MRPL40: variants seen among roughly 807,000 people sequenced by gnomAD.
MRPL40 encodes mitochondrial ribosomal protein L40.
Under a neutral mutation model 24.5 loss-of-function variants are expected in MRPL40, and 18 were observed. That is an observed-to-expected ratio of 0.73 (90% CI 0.51 to 1.09). The LOEUF (loss-of-function observed/expected upper bound fraction) is 1.09, where lower values mean the gene tolerates loss of function less well. Among genes scored for constraint, MRPL40 ranks in the 50% least tolerant of loss-of-function variants. The pLI, the probability that MRPL40 is intolerant of heterozygous loss-of-function variation, is 0.00. For synonymous variants in MRPL40, 108 were observed against 94.6 expected (o/e 1.14, Z -0.82); for missense variants, 256 against 243.8 (o/e 1.05, Z -0.33).
chr22:19,435,974 G>A lies in MRPL40; in HGVS notation c.*12G>A. The A allele has an allele frequency of 6.2e-7, 1 of 1,602,148 alleles. No individual in the cohort carries two copies. Among genetic ancestry groups the A allele is most frequent in the South Asian group, 1.1e-5 (1 of 89,728 alleles). On this transcript the variant is annotated 3_prime_UTR_variant, in exon 4 of 4. Transcript: ENST00000333130. ...AGTTTAAGAGATAGACTTGCAGGCT[G>A]CTATCCTTAACATGCTGCCCCTGAG...
intron 1 of MRPL40, chr22:19,432,993 G>T (rs1423794586): frequency 1.3e-6 from 1 of 752,660 alleles, no homozygotes; most frequent in African/African-American, 1.8e-5. Context: ...GCAGTGGCGC[G>T]ATTTCGGCTC....
intron 2 of MRPL40, 91 bp from the exon 3 acceptor site, chr22:19,434,645 G>A (rs1330802594): frequency 9.6e-7 from 1 of 1,040,034 alleles, no homozygotes; most frequent in Non-Finnish European, 1.4e-6. Context: ...TCCCCCAGTG[G>A]AGAGGTCAGT....
At position 19,434,797 on chromosome 22, in the gene MRPL40, C is replaced by A; in HGVS notation, c.199C>A (p.Arg67Ser). ...TAAAAAAGACCAAGAAGCAAAGGAG[C>A]GCTTGAAAAGGAAGATCCGAAAACT... is the stretch of plus-strand genomic sequence containing the variant. ...DPKKDQEAKE[R>S]LKRKIRKLEK... The change falls in exon 3 of 4, where the codon CGC (arginine) becomes AGC (serine). Residue 67 changes from arginine (R) to serine (S), a missense_variant. By Grantham distance (110) the Arg-to-Ser change is moderately radical (BLOSUM62 -1). Transcript: ENST00000333130. 6.2e-7 allele frequency: 1 copy of A among 1,612,092 alleles called. No homozygotes were observed. Among genetic ancestry groups the A allele is most frequent in the African/African-American group, 1.3e-5 (1 of 74,742 alleles).
rs11557716 is a variant in MRPL40, at chr22:19,435,737, G to A, written c.396G>A (p.Glu132=). 6.2e-7 allele frequency: 1 copy of A among 1,614,176 alleles called. No individual in the cohort carries two copies. The highest frequency in any genetic ancestry group is 8.5e-7 in the Non-Finnish European group (1 of 1,180,020). ...ACAAGCAGCAAGAGCGTAAGATGGA[G>A]AGGGACACCATCAGGGCTATGCTAG... The part of the protein sequence containing the change: ...SLYKQQERKM[E]RDTIRAMLEA... Residue 132 remains glutamate (E), a synonymous_variant, in exon 4 of 4, where the codon GAG becomes GAA. Transcript: ENST00000333130.
chr22:19,432,747 T>G, intron 1 of MRPL40, 140 bp downstream of exon 1: 1 of 1,401,542 alleles, frequency 7.1e-7, no homozygotes, highest in Non-Finnish European at 9.3e-7. Flanking sequence ...TGGTCGTGAC[T>G]CTTATGCATG....
At position 19,435,588 on chromosome 22, in the gene MRPL40, G is replaced by A; in HGVS notation, c.297-50G>A. 2 of 1,515,770 alleles carry A rather than the reference G, an allele frequency of 1.3e-6. 1 individual carries two copies. The highest frequency in any genetic ancestry group is 2.5e-5 in the South Asian group (2 of 81,248). The allele number at this position is 1,515,770 out of a possible 1,614,324, so 93.9% of individuals were successfully genotyped here. On this transcript the variant is annotated intron_variant, in intron 3 of 3. Coordinates refer to ENST00000333130, the MANE Select transcript of MRPL40 (RefSeq NM_003776.4). ...AATGGGAATACTTGTGTCAGTTGCA[G>A]TCACAGACTTACATGCCAGTGAGAT... is the stretch of plus-strand genomic sequence containing the variant.
chr22:19,433,349 G>GT lies in MRPL40; in HGVS notation c.137+2dup. ...CTTTCTGGGAACTCATTCCCATGAG[G>GT]TAAAACTCAATCGAGGGCCTGACCT... On this transcript the variant is annotated splice_donor_variant, in intron 2 of 3. Coordinates refer to ENST00000333130, the MANE Select transcript of MRPL40 (RefSeq NM_003776.4). LOFTEE classifies it high-confidence loss of function. 1 of 1,596,586 alleles carries GT rather than the reference G, an allele frequency of 6.3e-7. No individual in the cohort carries two copies. Among genetic ancestry groups the GT allele is most frequent in the Non-Finnish European group, 8.6e-7 (1 of 1,164,332 alleles).
chr22:19,435,626 G>C lies in MRPL40; in HGVS notation c.297-12G>C, dbSNP rs2089582073. The C allele has an allele frequency of 6.2e-7, 1 of 1,603,484 alleles. No individual in the cohort carries two copies. Among genetic ancestry groups the C allele is most frequent in the African/African-American group, 1.3e-5 (1 of 74,628 alleles). On this transcript the variant is annotated splice_polypyrimidine_tract_variant and intron_variant, in intron 3 of 3. Transcript: ENST00000333130. ...ATGCCAGTGAGATTGGTAACCCTTA[G>C]CTTCTTTGCAGAGAGCGGCCTCAGG... is the stretch of plus-strand genomic sequence containing the variant.
intron 3 of MRPL40, 36 bp downstream of exon 3, chr22:19,434,930 C>G (rs1389587708): frequency 2.0e-6 from 3 of 1,525,694 alleles, no homozygotes; most frequent in Non-Finnish European, 2.7e-6. Flanking sequence ...GTCCTCAGGA[C>G]AAAGGAGTAA....
In MRPL40 at chr22:19,434,808, G is replaced by A. The variant is rs113496065; in HGVS notation, c.210G>A (p.Arg70=). 1.2e-6 allele frequency: 2 copies of A among 1,612,584 alleles called. No homozygotes were observed. The highest frequency in any genetic ancestry group is 1.7e-4 in the Middle Eastern group (1 of 6,044). ...AAGAAGCAAAGGAGCGCTTGAAAAGGAAGATCCGAAAACTGGAAAAGGCTA... is the reference window on the plus strand; with the variant it reads ...AAGAAGCAAAGGAGCGCTTGAAAAGAAAGATCCGAAAACTGGAAAAGGCTA... The part of the protein sequence containing the change: ...KDQEAKERLK[R]KIRKLEKATQ... The change falls in exon 3 of 4, where the codon AGG becomes AGA. Residue 70 remains arginine, a synonymous_variant. Transcript: ENST00000333130.
chr22:19,434,384 A>G (rs896318834), intron 2 of MRPL40, among the ~76,000 whole-genome samples: 2 of 151,126 alleles, frequency 1.3e-5, no homozygotes, highest in Admixed American at 1.3e-4. Flanking sequence ...CACCACACCC[A>G]GCTAATTTTT....
Position 19,434,587 on chromosome 22 carries a change from G to C in MRPL40, c.138-149G>C. 3 of 611,100 alleles carry C rather than the reference G, an allele frequency of 4.9e-6. No individual in the cohort carries two copies. In the South Asian group the frequency reaches 6.7e-5, roughly 14 times the overall value. 37.9% of individuals were successfully genotyped at this position (611,100 alleles called of 1,614,324 possible). ...GTTCTCACAAGTACTGTGGGGTGGAGTACCTCCTCACCACGCTGAGCTCAT... is the reference window on the plus strand; with the variant it reads ...GTTCTCACAAGTACTGTGGGGTGGACTACCTCCTCACCACGCTGAGCTCAT... On this transcript the variant is annotated intron_variant, in intron 2 of 3. Coordinates refer to ENST00000333130, the MANE Select transcript of MRPL40 (RefSeq NM_003776.4).
chr22:19,433,398 T>C (rs2089563703), intron 2 of MRPL40, 50 bp downstream of exon 2: 1 of 1,140,292 alleles, frequency 8.8e-7, no homozygotes, highest in Non-Finnish European at 1.3e-6. Flanking sequence ...TGTCAGTCTA[T>C]GTGTAGAGAA....
chr22:19,432,707 A>T, intron 1 of MRPL40, 100 bp downstream of exon 1: 1 of 1,447,952 alleles, frequency 6.9e-7, no homozygotes, highest in South Asian at 1.4e-5. Flanking sequence ...CTCGCCTCCC[A>T]GTCCACGAAT....
chr22:19,435,109 A>G (rs962056629), intron 3 of MRPL40, among the ~76,000 whole-genome samples: 1 of 152,194 alleles, frequency 6.6e-6, no homozygotes, highest in Non-Finnish European at 1.5e-5. Flanking sequence ...TAAGACATCT[A>G]ATAATCCAGA....
chr22:19,435,695 G>T lies in MRPL40; in HGVS notation c.354G>T (p.Leu118=). Residue 118 remains leucine, a synonymous_variant, in exon 4 of 4, where the codon CTG becomes CTT. Transcript: ENST00000333130. ...FEETERRALL[L]KKWSLYKQQE... ...AGACTGAGAGGAGAGCTCTGCTTCT[G>T]AAGAAGTGGTCCTTGTACAAGCAGC... 1.2e-6 allele frequency: 2 copies of T among 1,614,146 alleles called. No individual in the cohort carries two copies. Among genetic ancestry groups the T allele is most frequent in the Non-Finnish European group, 1.7e-6 (2 of 1,180,024 alleles).
In MRPL40 at chr22:19,432,630, T is replaced by G. The variant is rs943482390; in HGVS notation, c.53+23T>G. ...CGGGTGAGTGCGGACGCTGGCCGGA[T>G]AGCGGAGTGCCCAGGGCGCGTGCGG... On this transcript the variant is annotated intron_variant, in intron 1 of 3. Coordinates refer to ENST00000333130, the MANE Select transcript of MRPL40 (RefSeq NM_003776.4). 1.0e-5 allele frequency: 16 copies of G among 1,544,826 alleles called. No individual in the cohort carries two copies. The African/African-American group carries it at 1.9e-4, about 19-fold the overall frequency.
At chr22:19,433,693 G>C (rs900136484) in intron 2 of MRPL40, among the ~76,000 whole-genome samples, 1 of 152,094 alleles carries the variant, frequency 6.6e-6, no homozygotes, top group Non-Finnish European at 1.5e-5. Flanking sequence ...AAGTATTAAA[G>C]GTATTTCCAT....
Position 19,435,847 on chromosome 22 carries a change from T to TCCC in MRPL40, c.508_510dup (p.Pro170dup), listed in dbSNP as rs2089584656. On this transcript the variant is annotated inframe_insertion, in exon 4 of 4. Coordinates refer to ENST00000333130, the MANE Select transcript of MRPL40 (RefSeq NM_003776.4). ...GCCATCAAGCGGGATCCTAACCTGT[T>TCCC]CCCCTTTGAGAAGGAAGGGCCACAT... The TCCC allele has an allele frequency of 6.2e-7, 1 of 1,614,008 alleles. No individual in the cohort carries two copies. The highest frequency in any genetic ancestry group is 1.3e-5 in the African/African-American group (1 of 74,904).
Sources: allele counts gnomAD v4.1 joint callset (sites outside exome capture counted in the v4.1 genomes callset), GRCh38; gene constraint gnomAD v4.1.1; transcripts MANE v1.5; gene names NCBI Gene and HGNC (gene_info 2026-07-23, HGNC 2026-07-21).